CERS4: variants seen among roughly 807,000 people sequenced by gnomAD.
CERS4 encodes ceramide synthase 4, also known as LAG1 homolog, ceramide synthase 4.
Under a neutral mutation model 51.8 loss-of-function variants are expected in CERS4, and 65 were observed. That is an observed-to-expected ratio of 1.26 (90% CI 1.03 to 1.54). The LOEUF (loss-of-function observed/expected upper bound fraction) is 1.54, where lower values mean the gene tolerates loss of function less well. Among genes scored for constraint, CERS4 ranks in the 40% most tolerant of loss-of-function variants. The pLI, the probability that CERS4 is intolerant of heterozygous loss-of-function variation, is 0.00. For missense variants in CERS4, 563 were observed against 500.4 expected (o/e 1.13, Z -1.19); for synonymous variants, 228 against 208.4 (o/e 1.09, Z -0.81).
At chr19:8,248,994 TGGGTGGATGGACAGATGTTTG>T (rs939988990) in intron 2 of CERS4, among the ~76,000 whole-genome samples, 7 of 139,008 alleles carry the variant, frequency 5.0e-5, no homozygotes. Context: ...AGATGAATGA[TGGGTGGATGGACAGATGTTTG>T]GATGGGTGGA....
chr19:8,231,216 G>A (rs965088358), intron 2 of CERS4, among the ~76,000 whole-genome samples: 2 of 152,150 alleles, frequency 1.3e-5, no homozygotes, highest in African/African-American at 4.8e-5. Context: ...CATGGGCCAT[G>A]TTTTCCAATT....
chr19:8,253,294 G>GC (rs1401064593), intron 3 of CERS4, among the ~76,000 whole-genome samples: 1 of 152,142 alleles, frequency 6.6e-6, no homozygotes, highest in Non-Finnish European at 1.5e-5. Flanking sequence ...CCCATGGGGA[G>GC]CCCCTAGACT....
intron 7 of CERS4, 29 bp from the exon 8 acceptor site, chr19:8,256,589 A>G: frequency 6.3e-7 from 1 of 1,591,152 alleles, no homozygotes; most frequent in South Asian, 1.1e-5. Context: ...TTCGCTCCCC[A>G]CAGCTAACCT....
chr19:8,245,902 CAAAAAAAA>C (rs746017170), intron 2 of CERS4, among the ~76,000 whole-genome samples: 23 of 76,956 alleles, frequency 3.0e-4, no homozygotes, highest in East Asian at 9.0e-4. Flanking sequence ...GCTTTGATGA[CAAAAAAAA>C]AAAAAAAAAA....
Position 8,256,984 on chromosome 19 carries a change from G to C in CERS4, c.648G>C (p.Ala216=), listed in dbSNP as rs372434316. The change falls in exon 9 of 12, where the codon GCG becomes GCC. Residue 216 remains alanine (A), a synonymous_variant. Transcript: ENST00000251363. The part of the protein sequence containing the change: ...FKEQVIHHFV[A]VILMTFSYSA... ...AGCAGGTGATACACCACTTCGTGGC[G>C]GTCATCCTGATGACCTTCTCCTACA... 2 of 1,613,946 alleles carry C rather than the reference G, an allele frequency of 1.2e-6. No homozygotes were observed. The highest frequency in any genetic ancestry group is 1.7e-6 in the Non-Finnish European group (2 of 1,179,988).
Position 8,256,238 on chromosome 19 carries a change from G to A in CERS4, c.471G>A (p.Glu157=). The A allele has an allele frequency of 6.2e-7, 1 of 1,612,520 alleles. No individual in the cohort carries two copies. The highest frequency in any genetic ancestry group is 8.5e-7 in the Non-Finnish European group (1 of 1,179,436). Residue 157 remains glutamate, a splice_region_variant and synonymous_variant, in exon 7 of 12, where the codon GAG becomes GAA. Transcript: ENST00000251363. ...GCCTGACACCCATTTCCCTGCAGGAGTCATGGCTGTGGGCACCAGTAATGT... is the reference window on the plus strand; with the variant it reads ...GCCTGACACCCATTTCCCTGCAGGAATCATGGCTGTGGGCACCAGTAATGT... ...FVGGLSVLYH[E]SWLWAPVMCW... is the part of the protein sequence containing the mutation.
rs114472883 is a variant in CERS4, at chr19:8,214,020, C to T, written c.-2+3158C>T. On this transcript the variant is annotated intron_variant, in intron 2 of 11. Transcript: ENST00000251363. ...AGAGTAGCATAGAAGAGACCTTCCC[C>T]TCCCTGAGTCTGGACTTTATACCTT... Among the ~76,000 whole-genome samples the T allele has an allele frequency of 4.6e-3, 695 of 152,124 alleles. 7 individuals carry two copies. Among genetic ancestry groups the T allele is most frequent in the African/African-American group, 0.016 (662 of 41,518 alleles).
chr19:8,226,964 AC>A (rs1454146413), intron 2 of CERS4, among the ~76,000 whole-genome samples: 2 of 152,154 alleles, frequency 1.3e-5, no homozygotes, highest in African/African-American at 4.8e-5. Context: ...CCCTGTCTCT[AC>A]TAAAAATACA....
chr19:8,214,004 T>A (rs1342050456), intron 2 of CERS4, among the ~76,000 whole-genome samples: 1 of 151,976 alleles, frequency 6.6e-6, no homozygotes, highest in Non-Finnish European at 1.5e-5. Context: ...CAGAGTAGCA[T>A]AGAAGAGACC....
rs1426967715 is a variant in CERS4, at chr19:8,247,765, G to A, written c.-1-3311G>A. ...TTTTTTTTTTTTAAGATGGAGTCTTGCTCTGTTGCCCAGTCTTGAGTGCAG... is the reference window on the plus strand; with the variant it reads ...TTTTTTTTTTTTAAGATGGAGTCTTACTCTGTTGCCCAGTCTTGAGTGCAG... On this transcript the variant is annotated intron_variant, in intron 2 of 11. Transcript: ENST00000251363. Among the ~76,000 whole-genome samples the A allele has an allele frequency of 3.8e-5, 5 of 132,120 alleles. No individual in the cohort carries two copies. The East Asian group carries it at 1.1e-3, about 30-fold the overall frequency. 86.7% of individuals were successfully genotyped at this position (132,120 alleles called of 152,430 possible).
intron 2 of CERS4, among the ~76,000 whole-genome samples, chr19:8,235,184 T>C (rs1968192421): frequency 6.6e-6 from 1 of 151,414 alleles, no homozygotes; most frequent in Non-Finnish European, 1.5e-5. Flanking sequence ...AATTTTTGTA[T>C]TTTTAGTAGA....
intron 2 of CERS4, among the ~76,000 whole-genome samples, chr19:8,235,157 C>T (rs1239718057): frequency 6.7e-6 from 1 of 149,060 alleles, no homozygotes; most frequent in East Asian, 2.0e-4. Context: ...TACAGGCACA[C>T]ACCACCATGC....
At chr19:8,209,800 G>A (rs113830832) in intron 1 of CERS4, 2 of 152,234 alleles carry the variant, frequency 1.3e-5, no homozygotes, top group African/African-American at 2.4e-5. Flanking sequence ...TGTGTGAGCC[G>A]GGGGAGCGCC....
chr19:8,260,173 G>A (rs1568542773), intron 10 of CERS4, among the ~76,000 whole-genome samples: 1 of 151,930 alleles, frequency 6.6e-6, no homozygotes, highest in African/African-American at 2.4e-5. Flanking sequence ...CAGCTGATTG[G>A]GGGGTAGGAG....
intron 3 of CERS4, among the ~76,000 whole-genome samples, chr19:8,251,481 T>G (rs1969077652): frequency 6.6e-6 from 1 of 152,168 alleles, no homozygotes; most frequent in African/African-American, 2.4e-5. Flanking sequence ...CTGCACTGCC[T>G]GCAGCCTGCA....
At chr19:8,257,184 C>T (rs1406340378) in intron 9 of CERS4, 107 bp downstream of exon 9, 60 of 1,241,030 alleles carry the variant, frequency 4.8e-5, no homozygotes, top group Non-Finnish European at 5.9e-5. Context: ...GATGGAGCCC[C>T]ACCCCTCCTG....
chr19:8,255,956 G>T (rs1047275208), intron 6 of CERS4, 77 bp downstream of exon 6: 7 of 1,477,818 alleles, frequency 4.7e-6, no homozygotes, highest in Non-Finnish European at 6.6e-6. Context: ...TGGGGGTGTG[G>T]AGTGGTGCAG....
Position 8,256,298 on chromosome 19 carries a change from A to AGT in CERS4, c.519+20_519+21dup. 1.2e-6 allele frequency: 2 copies of AGT among 1,611,532 alleles called. No individual in the cohort carries two copies. The highest frequency in any genetic ancestry group is 1.7e-6 in the Non-Finnish European group (2 of 1,178,794). Reference sequence around the variant, plus strand: ...GGTACCCAAACCAGGTGAGTGGCAGAGTGTGTGTGAATGCTTGGAGGGTGA... The same window carrying AGT: ...GGTACCCAAACCAGGTGAGTGGCAGAGTGTGTGTGTGAATGCTTGGAGGGTGA... On this transcript the variant is annotated intron_variant, in intron 7 of 11. Coordinates refer to ENST00000251363, the MANE Select transcript of CERS4 (RefSeq NM_024552.3).
At chr19:8,227,072 GAGCCAAGA>G (rs1322166887) in intron 2 of CERS4, among the ~76,000 whole-genome samples, 1 of 152,058 alleles carries the variant, frequency 6.6e-6, no homozygotes, top group East Asian at 1.9e-4. Context: ...ATGTTGCCGT[GAGCCAAGA>G]TTGCACCATT....
Sources: gnomAD v4.1 joint callset for allele counts (sites outside exome capture counted in the v4.1 genomes callset) on GRCh38, gnomAD v4.1.1 for gene constraint, MANE v1.5 for transcripts, NCBI Gene and HGNC (gene_info 2026-07-23, HGNC 2026-07-21) for gene names.